SYT9: variants seen among roughly 807,000 people sequenced by gnomAD.
SYT9 encodes synaptotagmin-9.
Under a neutral mutation model 48.4 loss-of-function variants are expected in SYT9, and 22 were observed. The observed-to-expected ratio is 0.45, with a 90% CI of 0.32 to 0.65. SYT9 has a LOEUF of 0.65. SYT9 is among the 30% of genes least tolerant of loss of function. The probability of loss-of-function intolerance (pLI) is 0.03; values close to 1 mark genes in which losing one functional copy is unlikely to be tolerated. For synonymous variants in SYT9, 265 were observed against 245.0 expected, an observed-to-expected ratio of 1.08 and a Z score of -0.76; for missense variants, 577 against 622.0, an observed-to-expected ratio of 0.93 and a Z score of 0.77.
At chr11:7,392,847 T>G (rs759826983) in intron 3 of SYT9, among the ~76,000 whole-genome samples, 19 of 152,142 alleles carry the variant, frequency 1.2e-4, no homozygotes, top group East Asian at 9.6e-4. Flanking sequence ...TAGGTATTTT[T>G]TGTGTGTGTG....
chr11:7,460,310 G>A (rs1054593397), intron 6 of SYT9, among the ~76,000 whole-genome samples: 12 of 151,916 alleles, frequency 7.9e-5, no homozygotes, highest in South Asian at 2.1e-4. Context: ...CCAATTTTAC[G>A]TTTAATCAAA....
At chr11:7,443,312 A>G (rs1213541230) in intron 6 of SYT9, among the ~76,000 whole-genome samples, 1 of 152,248 alleles carries the variant, frequency 6.6e-6, no homozygotes, top group African/African-American at 2.4e-5. Flanking sequence ...GAGGAAATAG[A>G]CATAAGAAAA....
chr11:7,372,591 A>C (rs1312572614), intron 3 of SYT9, among the ~76,000 whole-genome samples: 1 of 152,096 alleles, frequency 6.6e-6, no homozygotes, highest in East Asian at 1.9e-4. Flanking sequence ...CTGGTCTTGA[A>C]TTCTTGGCTT....
chr11:7,454,173 G>A (rs1162769585), intron 6 of SYT9: 4 of 985,220 alleles, frequency 4.1e-6, no homozygotes, highest in Non-Finnish European at 4.8e-6. Flanking sequence ...CAAGCCTCCA[G>A]CTCCCAGAAT....
chr11:7,411,759 T>A (rs752382334), intron 3 of SYT9, among the ~76,000 whole-genome samples: 21 of 152,186 alleles, frequency 1.4e-4, no homozygotes, highest in Non-Finnish European at 2.1e-4. Context: ...CTTTTCTAGA[T>A]TGGGGAAGTT....
chr11:7,393,703 T>C (rs772768493), intron 3 of SYT9, among the ~76,000 whole-genome samples: 11 of 152,184 alleles, frequency 7.2e-5, no homozygotes, highest in Non-Finnish European at 1.5e-4. Flanking sequence ...AATTCAGCTG[T>C]GAATCCATCT....
chr11:7,335,640 A>G (rs1346069517), intron 3 of SYT9, among the ~76,000 whole-genome samples: 1 of 152,204 alleles, frequency 6.6e-6, no homozygotes, highest in Non-Finnish European at 1.5e-5. Flanking sequence ...TCCAGAGAAC[A>G]TGATCTCATT....
chr11:7,465,678 G>A (rs1323141755), intron 6 of SYT9: 1 of 154,662 alleles, frequency 6.5e-6, no homozygotes, highest in African/African-American at 2.4e-5. Context: ...CATCCCAGCT[G>A]TATTAGTCCA....
At chr11:7,422,926 CCAAA>C (rs1252722777) in intron 6 of SYT9, among the ~76,000 whole-genome samples, 1 of 152,184 alleles carries the variant, frequency 6.6e-6, no homozygotes, top group African/African-American at 2.4e-5. Context: ...TCCTCAAACC[CCAAA>C]CACTCAGCTT....
chr11:7,453,260 C>T (rs546287412), intron 6 of SYT9, among the ~76,000 whole-genome samples: 4 of 152,046 alleles, frequency 2.6e-5, no homozygotes, highest in Non-Finnish European at 4.4e-5. Context: ...GGCATGGTGG[C>T]GTGCCCACTA....
At chr11:7,323,159 A>G (rs902462149) in intron 3 of SYT9, among the ~76,000 whole-genome samples, 15 of 151,976 alleles carry the variant, frequency 9.9e-5, no homozygotes, top group African/African-American at 3.6e-4. Context: ...TCTTTCTTGT[A>G]TGTGTCTCCT....
At chr11:7,318,469 A>G (rs769765641) in intron 3 of SYT9, among the ~76,000 whole-genome samples, 4 of 151,746 alleles carry the variant, frequency 2.6e-5, no homozygotes, top group Non-Finnish European at 5.9e-5. Context: ...GCCCACTACC[A>G]CGTCTGGCTA....
chr11:7,393,197 C>G (rs1363390744), intron 3 of SYT9, among the ~76,000 whole-genome samples: 1 of 152,006 alleles, frequency 6.6e-6, no homozygotes, highest in African/African-American at 2.4e-5. Context: ...GGGAATGCTA[C>G]CAGCTTTTGT....
intron 6 of SYT9, among the ~76,000 whole-genome samples, chr11:7,427,063 A>G (rs1354394806): frequency 1.3e-5 from 2 of 151,538 alleles, no homozygotes; most frequent in Non-Finnish European, 2.9e-5. Flanking sequence ...TATCTCTGTT[A>G]CGTAGGTATT....
chr11:7,275,734 A>C (rs1234472485), intron 1 of SYT9, among the ~76,000 whole-genome samples: 2 of 152,116 alleles, frequency 1.3e-5, no homozygotes, highest in Non-Finnish European at 2.9e-5. Flanking sequence ...CCTCTAAATC[A>C]ATGTGTCCAC....
intron 3 of SYT9, among the ~76,000 whole-genome samples, chr11:7,362,303 C>T (rs1850154663): frequency 6.6e-6 from 1 of 151,790 alleles, no homozygotes; most frequent in South Asian, 2.1e-4. Context: ...CACCACCATG[C>T]CTGGCTAATT....
At chr11:7,354,042 A>G (rs1434410298) in intron 3 of SYT9, among the ~76,000 whole-genome samples, 2 of 152,366 alleles carry the variant, frequency 1.3e-5, no homozygotes, top group East Asian at 3.8e-4. Context: ...ATTAATAGTA[A>G]TGATTGAAAT....
intron 3 of SYT9, among the ~76,000 whole-genome samples, chr11:7,315,361 C>G (rs1849223553): frequency 6.6e-6 from 1 of 152,154 alleles, no homozygotes; most frequent in Non-Finnish European, 1.5e-5. Flanking sequence ...GGGAAGGCTG[C>G]TTATACAAAG....
At chr11:7,352,438 C>T (rs1034782666) in intron 3 of SYT9, among the ~76,000 whole-genome samples, 20 of 152,036 alleles carry the variant, frequency 1.3e-4, no homozygotes, top group African/African-American at 2.2e-4. Flanking sequence ...CTGAAATCAA[C>T]GAATGCACTT....
Sources: gnomAD v4.1 joint callset for allele counts (sites outside exome capture counted in the v4.1 genomes callset) on GRCh38, gnomAD v4.1.1 for gene constraint, MANE v1.5 for transcripts, NCBI Gene and HGNC (gene_info 2026-07-23, HGNC 2026-07-21) for gene names.